The following PTPRD variants were observed in gnomAD, a reference collection of about 807,000 sequenced individuals.
PTPRD encodes the protein receptor-type tyrosine-protein phosphatase delta.
A neutral mutation model predicts 214.5 loss-of-function variants in PTPRD; 34 were observed. The ratio of observed to expected loss-of-function variants is 0.16; its 90% CI spans 0.12 to 0.21. PTPRD has a LOEUF of 0.21. Ranked by LOEUF, PTPRD falls within the 10% of genes least tolerant of loss-of-function variation. The probability of loss-of-function intolerance (pLI) is 1.00; values close to 1 mark genes in which losing one functional copy is unlikely to be tolerated. For missense variants in PTPRD, 2,545 were observed against 2,398.7 expected, an observed-to-expected ratio of 1.06 and a Z score of -1.27; for synonymous variants, 1,128 against 845.7, an observed-to-expected ratio of 1.33 and a Z score of -5.79.
At chr9:8,557,204 C>T (rs78462631) in intron 14 of PTPRD, among the ~76,000 whole-genome samples, 6,976 of 151,562 alleles carry the variant, frequency 0.046, 464 homozygotes, top group African/African-American at 0.14. Flanking sequence ...ACCACTCTGG[C>T]GCCATGAATA....
At chr9:8,928,840 A>G (rs776648565) in intron 11 of PTPRD, among the ~76,000 whole-genome samples, 7 of 152,020 alleles carry the variant, frequency 4.6e-5, no homozygotes, top group Non-Finnish European at 1.0e-4. Flanking sequence ...ATGTTTTTCC[A>G]TTTGTTTGTG....
chr9:10,364,129 A>T (rs2097462202), intron 2 of PTPRD, among the ~76,000 whole-genome samples: 1 of 150,706 alleles, frequency 6.6e-6, no homozygotes, highest in South Asian at 2.1e-4. Flanking sequence ...CCTCCGGAGT[A>T]GCTGGGACTA....
intron 11 of PTPRD, among the ~76,000 whole-genome samples, chr9:8,966,167 C>A (rs2099193126): frequency 6.6e-6 from 1 of 152,028 alleles, no homozygotes; most frequent in Non-Finnish European, 1.5e-5. Context: ...TTGGAAGACT[C>A]AATATTACTA....
In PTPRD at chr9:8,339,025, G is replaced by A; in HGVS notation, c.5276C>T (p.Pro1759Leu). ...MGREKCHQYW[P>L]AERSARYQYF... ...CTGGTATCTTGCAGACCGTTCTGCTGGCCAGTATTGGTGACATTTCTCCTA... is the reference window on the plus strand; with the variant it reads ...CTGGTATCTTGCAGACCGTTCTGCTAGCCAGTATTGGTGACATTTCTCCTA... The change falls in exon 43 of 46, where the codon CCA becomes CTA. Residue 1759 changes from proline (P) to leucine (L), a missense_variant. Pro to Leu is a moderately conservative substitution (Grantham distance 98). Transcript: ENST00000381196. 6.2e-7 allele frequency: 1 copy of A among 1,611,858 alleles called. No individual in the cohort carries two copies. The highest frequency in any genetic ancestry group is 8.5e-7 in the Non-Finnish European group (1 of 1,178,586).
intron 3 of PTPRD, among the ~76,000 whole-genome samples, chr9:10,171,944 A>G (rs2099210455): frequency 6.6e-6 from 1 of 152,192 alleles, no homozygotes; most frequent in South Asian, 2.1e-4. Context: ...AGGTATGAAA[A>G]GACATGGTGT....
At chr9:8,746,548 C>CA (rs1364405663) in intron 11 of PTPRD, among the ~76,000 whole-genome samples, 3 of 152,018 alleles carry the variant, frequency 2.0e-5, no homozygotes, top group African/African-American at 7.2e-5. Flanking sequence ...ATATGGATAT[C>CA]AAAAAGGGAG....
At chr9:9,692,661 G>A (rs981215612) in intron 7 of PTPRD, among the ~76,000 whole-genome samples, 2 of 149,316 alleles carry the variant, frequency 1.3e-5, no homozygotes, top group Non-Finnish European at 3.0e-5. Flanking sequence ...CTATTTCTGT[G>A]AAGACTGTCA....
chr9:10,153,634 T>C (rs945992475), intron 3 of PTPRD, among the ~76,000 whole-genome samples: 7 of 152,200 alleles, frequency 4.6e-5, no homozygotes, highest in Admixed American at 2.0e-4. Flanking sequence ...GATTATTTTG[T>C]CACTCAACTA....
intron 5 of PTPRD, among the ~76,000 whole-genome samples, chr9:9,803,172 T>C (rs2099052230): frequency 6.6e-6 from 1 of 151,558 alleles, no homozygotes; most frequent in Non-Finnish European, 1.5e-5. Flanking sequence ...CTGAAAATTG[T>C]GGTGGTCTAA....
chr9:10,037,767 A>G (rs2097214629), intron 3 of PTPRD, among the ~76,000 whole-genome samples: 1 of 152,142 alleles, frequency 6.6e-6, no homozygotes, highest in Non-Finnish European at 1.5e-5. Flanking sequence ...GTTAACCTGC[A>G]ACTTTAATAT....
intron 14 of PTPRD, among the ~76,000 whole-genome samples, chr9:8,550,740 G>A (rs1210355026): frequency 1.3e-5 from 2 of 152,178 alleles, no homozygotes; most frequent in East Asian, 3.9e-4. Flanking sequence ...TTTCTTAATA[G>A]ATCCATTGGC....
chr9:9,876,476 T>C (rs999058347), intron 5 of PTPRD, among the ~76,000 whole-genome samples: 29 of 152,214 alleles, frequency 1.9e-4, no homozygotes, highest in Non-Finnish European at 3.5e-4. Context: ...ATTTTAATTA[T>C]ATCACCTCGA....
chr9:9,940,678 A>G (rs1024801690), intron 4 of PTPRD, among the ~76,000 whole-genome samples: 1 of 152,174 alleles, frequency 6.6e-6, no homozygotes, highest in African/African-American at 2.4e-5. Context: ...AAATACAAAA[A>G]TAAATCAACA....
chr9:9,483,958 C>A (rs956663615), intron 8 of PTPRD, among the ~76,000 whole-genome samples: 8 of 151,654 alleles, frequency 5.3e-5, no homozygotes, highest in African/African-American at 1.9e-4. Context: ...TCCCTACCTA[C>A]AGGTTTTCTG....
chr9:10,376,409 ATATAT>A (rs1263604775), intron 2 of PTPRD, among the ~76,000 whole-genome samples: 1 of 151,732 alleles, frequency 6.6e-6, no homozygotes, highest in Non-Finnish European at 1.5e-5. Flanking sequence ...AATAATATTA[ATATAT>A]TAAATGCATG....
At chr9:9,710,838 C>G (rs749044867) in intron 7 of PTPRD, among the ~76,000 whole-genome samples, 2 of 151,984 alleles carry the variant, frequency 1.3e-5, no homozygotes, top group Non-Finnish European at 2.9e-5. Flanking sequence ...CATTCAATAC[C>G]GTTTGCTAAA....
chr9:9,198,334 C>T (rs931954054), intron 9 of PTPRD, among the ~76,000 whole-genome samples: 1 of 151,444 alleles, frequency 6.6e-6, no homozygotes, highest in Non-Finnish European at 1.5e-5. Context: ...AATTTTTGTA[C>T]CCTAAGTGTC....
intron 11 of PTPRD, among the ~76,000 whole-genome samples, chr9:8,747,133 A>G (rs895287465): frequency 5.3e-5 from 8 of 152,068 alleles, no homozygotes; most frequent in Admixed American, 3.9e-4. Context: ...ATATAGACTG[A>G]CCCTTTCCTT....
At chr9:9,720,463 C>T (rs1165110085) in intron 7 of PTPRD, among the ~76,000 whole-genome samples, 1 of 152,108 alleles carries the variant, frequency 6.6e-6, no homozygotes, top group African/African-American at 2.4e-5. Flanking sequence ...TACTTAAGGA[C>T]ATGAAGCCGA....
Sources: gnomAD v4.1 joint callset for allele counts (sites outside exome capture counted in the v4.1 genomes callset) on GRCh38, gnomAD v4.1.1 for gene constraint, MANE v1.5 for transcripts, NCBI Gene and HGNC (gene_info 2026-07-23, HGNC 2026-07-21) for gene names.